Variants in ELP4 observed in about 807,000 individuals in gnomAD.
ELP4 encodes the protein elongator complex protein 4.
Under a neutral mutation model 48.9 loss-of-function variants are expected in ELP4, and 51 were observed. The ratio of observed to expected loss-of-function variants is 1.04; its 90% CI spans 0.83 to 1.32. The LOEUF (loss-of-function observed/expected upper bound fraction) is 1.32. ELP4 is among the 40% of genes most tolerant of loss of function. ELP4 has a pLI of 0.00. For synonymous variants in ELP4, 210 were observed against 189.2 expected, an observed-to-expected ratio of 1.11 and a Z score of -0.90; for missense variants, 519 against 514.6, an observed-to-expected ratio of 1.01 and a Z score of -0.08.
intron 9 of ELP4, among the ~76,000 whole-genome samples, chr11:31,745,664 G>A (rs1455629970): frequency 4.6e-5 from 7 of 152,128 alleles, no homozygotes; most frequent in Non-Finnish European, 8.8e-5. Flanking sequence ...TTAATAAATG[G>A]TGCTGGGAAA....
At chr11:31,691,335 T>C (rs1397884982) in intron 9 of ELP4, among the ~76,000 whole-genome samples, 1 of 152,138 alleles carries the variant, frequency 6.6e-6, no homozygotes. Flanking sequence ...TAATTATCAG[T>C]AATGAAGCAG....
intron 5 of ELP4, 34 bp from the exon 6 acceptor site, chr11:31,627,076 A>G: frequency 7.9e-7 from 1 of 1,266,048 alleles, no homozygotes; most frequent in Non-Finnish European, 1.2e-6. Flanking sequence ...GTAATAACCC[A>G]TTTATGTATT....
intron 9 of ELP4, among the ~76,000 whole-genome samples, chr11:31,668,513 A>G (rs1166075127): frequency 6.7e-6 from 1 of 150,254 alleles, no homozygotes; most frequent in African/African-American, 2.5e-5. Flanking sequence ...TCCCCAAGAG[A>G]CAAGGGCTGG....
intron 1 of ELP4, among the ~76,000 whole-genome samples, chr11:31,519,233 G>A (rs1202053460): frequency 3.9e-5 from 6 of 152,070 alleles, no homozygotes; most frequent in African/African-American, 9.7e-5. Context: ...TATATTTAGA[G>A]CATGTCCAGA....
intron 9 of ELP4, among the ~76,000 whole-genome samples, chr11:31,695,188 A>G (rs1357716956): frequency 6.6e-6 from 1 of 152,118 alleles, no homozygotes; most frequent in African/African-American, 2.4e-5. Context: ...AACTTCCAAC[A>G]CTATGTTGAA....
At chr11:31,569,534 T>A (rs1458178563) in intron 3 of ELP4, among the ~76,000 whole-genome samples, 1 of 152,166 alleles carries the variant, frequency 6.6e-6, no homozygotes, top group Non-Finnish European at 1.5e-5. Context: ...GTGGATTACC[T>A]GAGGTCAGGA....
chr11:31,652,020 C>A (rs1166765772), intron 9 of ELP4: 2 of 151,696 alleles, frequency 1.3e-5, no homozygotes, highest in African/African-American at 4.8e-5. Flanking sequence ...GATGAAAGAT[C>A]TTTTATTAAC....
At chr11:31,746,134 A>G (rs1406786384) in intron 9 of ELP4, among the ~76,000 whole-genome samples, 3 of 152,268 alleles carry the variant, frequency 2.0e-5, no homozygotes, top group South Asian at 4.1e-4. Context: ...AACACATGAA[A>G]AAATGCTCAT....
At chr11:31,660,956 A>G (rs1945542943) in intron 9 of ELP4, among the ~76,000 whole-genome samples, 1 of 152,124 alleles carries the variant, frequency 6.6e-6, no homozygotes, top group Non-Finnish European at 1.5e-5. Context: ...CTAAATACAA[A>G]GAAAATATTT....
chr11:31,679,088 C>CT (rs1244577131), intron 9 of ELP4, among the ~76,000 whole-genome samples: 1 of 152,110 alleles, frequency 6.6e-6, no homozygotes, highest in Non-Finnish European at 1.5e-5. Flanking sequence ...CTATGCACAT[C>CT]TTTTGCCCAT....
intron 9 of ELP4, among the ~76,000 whole-genome samples, chr11:31,709,039 G>A (rs1043881644): frequency 3.3e-5 from 5 of 151,984 alleles, no homozygotes; most frequent in African/African-American, 9.7e-5. Flanking sequence ...GGAGGTCCAC[G>A]ATTAATTGAT....
intron 9 of ELP4, among the ~76,000 whole-genome samples, chr11:31,697,479 C>T (rs1302427530): frequency 6.6e-6 from 1 of 151,982 alleles, no homozygotes. Context: ...AATCATCTTA[C>T]TAAAATTCTA....
chr11:31,744,164 C>T (rs1344701654), intron 9 of ELP4, among the ~76,000 whole-genome samples: 1 of 152,164 alleles, frequency 6.6e-6, no homozygotes, highest in Non-Finnish European at 1.5e-5. Context: ...AATTCCTCAA[C>T]ACGTACATCC....
At chr11:31,767,027 CTGAG>C (rs1393946296) in intron 9 of ELP4, among the ~76,000 whole-genome samples, 1 of 152,110 alleles carries the variant, frequency 6.6e-6, no homozygotes, top group Non-Finnish European at 1.5e-5. Flanking sequence ...TTCTTTTGCT[CTGAG>C]TATCTCAAGA....
chr11:31,760,981 T>G (rs1293340830), intron 9 of ELP4, among the ~76,000 whole-genome samples: 2 of 152,198 alleles, frequency 1.3e-5, no homozygotes, highest in Admixed American at 6.5e-5. Flanking sequence ...TTTTGAGTAT[T>G]TTATGAATCT....
intron 3 of ELP4, among the ~76,000 whole-genome samples, chr11:31,578,192 C>T (rs558330556): frequency 1.2e-4 from 18 of 152,016 alleles, no homozygotes; most frequent in African/African-American, 4.1e-4. Context: ...CCATTCACAA[C>T]TGCTTCAAAG....
intron 3 of ELP4, among the ~76,000 whole-genome samples, chr11:31,574,746 C>A (rs1957244321): frequency 1.3e-5 from 2 of 152,162 alleles, no homozygotes; most frequent in African/African-American, 4.8e-5. Context: ...GGAAAACTAA[C>A]AAACAGAAAG....
chr11:31,575,333 C>T (rs896915635), intron 3 of ELP4, among the ~76,000 whole-genome samples: 10 of 152,130 alleles, frequency 6.6e-5, no homozygotes, highest in African/African-American at 1.2e-4. Flanking sequence ...CTGAAAGTGA[C>T]GGGGAGAATG....
Position 31,715,064 on chromosome 11 carries a change from A to C in ELP4, c.1143+64843A>C, listed in dbSNP as rs1319242900. The C allele has an allele frequency of 2.0e-5, 7 of 348,276 alleles. No individual in the cohort carries two copies. In the East Asian group the frequency reaches 3.0e-4, roughly 15 times the overall value. The allele number at this position is 348,276 out of a possible 1,614,324, so 21.6% of individuals were successfully genotyped here. Reference sequence around the variant, plus strand: ...TTTACTCATCAGTAACCACTATGATAGTTCATAGAGACGGAAGAACCACTT... The same window carrying C: ...TTTACTCATCAGTAACCACTATGATCGTTCATAGAGACGGAAGAACCACTT... On this transcript the variant is annotated intron_variant, in intron 9 of 9. Coordinates refer to ENST00000640961, the MANE Select transcript of ELP4 (RefSeq NM_019040.5).
Sources: gnomAD v4.1 joint callset for allele counts (sites outside exome capture counted in the v4.1 genomes callset) on GRCh38, gnomAD v4.1.1 for gene constraint, MANE v1.5 for transcripts, NCBI Gene and HGNC (gene_info 2026-07-23, HGNC 2026-07-21) for gene names.